PIK3CB: variants seen among roughly 807,000 people sequenced by gnomAD.
PIK3CB encodes phosphatidylinositol 4,5-bisphosphate 3-kinase catalytic subunit beta isoform.
A neutral mutation model predicts 136.8 loss-of-function variants in PIK3CB; 39 were observed. That is an observed-to-expected ratio of 0.29 (90% CI 0.22 to 0.37). PIK3CB has a LOEUF of 0.37. Among genes scored for constraint, PIK3CB ranks in the 10% least tolerant of loss-of-function variants. The pLI, the probability that PIK3CB is intolerant of heterozygous loss-of-function variation, is 1.00. For synonymous variants in PIK3CB, 428 were observed against 436.6 expected (o/e 0.98, Z 0.25); for missense variants, 868 against 1,275.4 (o/e 0.68, Z 4.87).
chr3:138,810,914 C>T (rs138368528), intron 1 of PIK3CB, among the ~76,000 whole-genome samples: 269 of 148,760 alleles, frequency 1.8e-3, no homozygotes, highest in African/African-American at 6.2e-3. Context: ...AGCGAGACTC[C>T]GTCTCAAAAA....
chr3:138,695,277 G>A (rs997768905), intron 13 of PIK3CB, among the ~76,000 whole-genome samples: 5 of 152,018 alleles, frequency 3.3e-5, no homozygotes, highest in African/African-American at 7.3e-5. Context: ...TGACATCAAC[G>A]TCATGGAAGG....
intron 1 of PIK3CB, among the ~76,000 whole-genome samples, chr3:138,831,204 G>T (rs928700648): frequency 6.7e-6 from 1 of 149,954 alleles, no homozygotes; most frequent in Non-Finnish European, 1.5e-5. Flanking sequence ...GGAGAACGGC[G>T]TGAACCCAGG....
At chr3:138,683,301 C>G (rs554988773) in intron 18 of PIK3CB, among the ~76,000 whole-genome samples, 1 of 150,650 alleles carries the variant, frequency 6.6e-6, no homozygotes, top group African/African-American at 2.4e-5. Context: ...TTTCAGTGAG[C>G]CAAGATCGTG....
Position 138,654,401 on chromosome 3 carries a change from C to G in PIK3CB, c.*988G>C, listed in dbSNP as rs894602689. ...ATCCTTGAAAAAAATCACATTATTA[C>G]AAGTTTTAATAAATACAGTAAGAAG... On this transcript the variant is annotated 3_prime_UTR_variant, in exon 24 of 24. Coordinates refer to ENST00000674063, the MANE Select transcript of PIK3CB (RefSeq NM_006219.3). The G allele has an allele frequency of 9.0e-6, 2 of 223,414 alleles. No homozygotes were observed. Among genetic ancestry groups the G allele is most frequent in the Non-Finnish European group, 1.8e-5 (2 of 112,046 alleles). 13.8% of individuals were successfully genotyped at this position (223,414 alleles called of 1,614,324 possible).
chr3:138,764,750 A>G (rs899304802), intron 2 of PIK3CB, among the ~76,000 whole-genome samples: 1 of 152,082 alleles, frequency 6.6e-6, no homozygotes, highest in Non-Finnish European at 1.5e-5. Flanking sequence ...CCTACTTTAA[A>G]CAGATTATTC....
chr3:138,653,960 T>C lies in PIK3CB; in HGVS notation c.*1429A>G, dbSNP rs1313784466. The C allele has an allele frequency of 5.0e-6, 1 of 198,718 alleles. No individual in the cohort carries two copies. The highest frequency in any genetic ancestry group is 2.3e-5 in the African/African-American group (1 of 43,330). The allele number at this position is 198,718 out of a possible 1,614,324, so 12.3% of individuals were successfully genotyped here. ...GTTTGTCTACTGACTTGGCCATTTCTTGGAGTTCCAGTGCCAAGTTCCAAA... is the reference window on the plus strand; with the variant it reads ...GTTTGTCTACTGACTTGGCCATTTCCTGGAGTTCCAGTGCCAAGTTCCAAA... On this transcript the variant is annotated 3_prime_UTR_variant, in exon 24 of 24. Transcript: ENST00000674063.
chr3:138,707,436 A>C, intron 10 of PIK3CB, 147 bp from the exon 11 acceptor site: 2 of 1,364,098 alleles, frequency 1.5e-6, no homozygotes, highest in East Asian at 5.9e-5. Flanking sequence ...GTAATCCTCT[A>C]ATTTTCTGTT....
chr3:138,804,767 G>A (rs2046212550), intron 1 of PIK3CB, among the ~76,000 whole-genome samples: 2 of 152,016 alleles, frequency 1.3e-5, no homozygotes, highest in East Asian at 1.9e-4. Context: ...GCTCACACCT[G>A]TAATCCCAGC....
intron 19 of PIK3CB, among the ~76,000 whole-genome samples, chr3:138,667,093 C>T (rs1381711687): frequency 6.6e-6 from 1 of 151,504 alleles, no homozygotes; most frequent in Admixed American, 6.6e-5. Flanking sequence ...CCTATAGTCC[C>T]AGCTACTTGG....
At chr3:138,693,971 T>TA (rs2044078451) in intron 14 of PIK3CB, among the ~76,000 whole-genome samples, 2 of 84,056 alleles carry the variant, frequency 2.4e-5, no homozygotes, top group Non-Finnish European at 2.6e-5. Context: ...ATATATTATA[T>TA]ATATATATAT....
At chr3:138,809,135 G>A (rs565830716) in intron 1 of PIK3CB, among the ~76,000 whole-genome samples, 50 of 150,956 alleles carry the variant, frequency 3.3e-4, no homozygotes, top group East Asian at 2.2e-3. Context: ...AAAATTAGCC[G>A]GGCATGGTGG....
intron 1 of PIK3CB, among the ~76,000 whole-genome samples, chr3:138,804,418 G>A (rs1430644135): frequency 1.3e-5 from 2 of 152,138 alleles, no homozygotes; most frequent in African/African-American, 2.4e-5. Context: ...GGAGGCTGAG[G>A]TGGAAGCATC....
At position 138,653,836 on chromosome 3, in the gene PIK3CB, A is replaced by C. The variant is rs573477232; in HGVS notation, c.*1553T>G. ...GCTCCTTACCTCAGGCTCCCACCAAAGTCCAGGGGGCCTCCTATACCATGC... is the reference window on the plus strand; with the variant it reads ...GCTCCTTACCTCAGGCTCCCACCAACGTCCAGGGGGCCTCCTATACCATGC... On this transcript the variant is annotated 3_prime_UTR_variant, in exon 24 of 24. Transcript: ENST00000674063. The C allele has an allele frequency of 3.1e-4, 61 of 198,754 alleles. No homozygotes were observed. Among genetic ancestry groups the C allele is most frequent in the African/African-American group, 1.3e-3 (58 of 43,486 alleles). The allele number at this position is 198,754 out of a possible 1,614,324, so 12.3% of individuals were successfully genotyped here. A position where few individuals can be genotyped will look rare whatever the true frequency, so the allele number is the denominator to read the frequency against.
At chr3:138,656,069 T>C in intron 23 of PIK3CB, 73 bp downstream of exon 23, 2 of 1,486,026 alleles carry the variant, frequency 1.3e-6, no homozygotes, top group Non-Finnish European at 1.9e-6. Flanking sequence ...TTCAGCCACT[T>C]GAATAAAACA....
chr3:138,766,489 T>C (rs939779661), intron 2 of PIK3CB, among the ~76,000 whole-genome samples: 9 of 152,238 alleles, frequency 5.9e-5, no homozygotes, highest in African/African-American at 2.2e-4. Context: ...GTGCCATCTT[T>C]AGGTGCATCA....
intron 1 of PIK3CB, among the ~76,000 whole-genome samples, chr3:138,815,176 T>TATATAC (rs1160526200): frequency 6.5e-5 from 6 of 92,950 alleles, no homozygotes; most frequent in Non-Finnish European, 1.0e-4. Context: ...TATATATATA[T>TATATAC]ACATATATAT....
At chr3:138,787,384 A>G (rs1052790351) in intron 2 of PIK3CB, among the ~76,000 whole-genome samples, 43 of 151,836 alleles carry the variant, frequency 2.8e-4, no homozygotes, top group African/African-American at 1.0e-3. Flanking sequence ...AAAAAAAAGA[A>G]GCTCCTAAAG....
intron 1 of PIK3CB, among the ~76,000 whole-genome samples, chr3:138,831,497 A>C (rs1348777806): frequency 1.3e-5 from 2 of 151,938 alleles, no homozygotes; most frequent in Non-Finnish European, 1.5e-5. Context: ...GAGGCAGAAG[A>C]ATTGTTTGAA....
At chr3:138,692,817 G>C (rs1036572587) in intron 14 of PIK3CB, among the ~76,000 whole-genome samples, 1 of 152,154 alleles carries the variant, frequency 6.6e-6, no homozygotes, top group African/African-American at 2.4e-5. Context: ...AAAGAAAATG[G>C]ATAAACTTCA....
Sources: allele counts gnomAD v4.1 joint callset (sites outside exome capture counted in the v4.1 genomes callset), GRCh38; gene constraint gnomAD v4.1.1; transcripts MANE v1.5; gene names NCBI Gene and HGNC (gene_info 2026-07-23, HGNC 2026-07-21).